Variants in PCDHGB3 observed in about 807,000 individuals in gnomAD.
PCDHGB3 encodes protocadherin gamma-B3.
In PCDHGB3, 40 loss-of-function variants were observed where a neutral mutation model predicts 59.2. That is an observed-to-expected ratio of 0.68 (90% confidence interval 0.52 to 0.88). The LOEUF (loss-of-function observed/expected upper bound fraction) is 0.88, where lower values mean the gene tolerates loss of function less well. PCDHGB3 is among the 40% of genes least tolerant of loss of function. The probability of loss-of-function intolerance (pLI) is 0.00; values close to 1 mark genes in which losing one functional copy is unlikely to be tolerated. For synonymous variants in PCDHGB3, 581 were observed against 503.6 expected, an observed-to-expected ratio of 1.15 and a Z score of -2.06; for missense variants, 1,309 against 1,187.9, an observed-to-expected ratio of 1.10 and a Z score of -1.50.
rs1024686607 is a variant in PCDHGB3, at chr5:141,487,597, T to C, written c.2416-7210T>C. 6.2e-7 allele frequency: 1 copy of C among 1,614,178 alleles called. No homozygotes were observed. The highest frequency in any genetic ancestry group is 8.5e-7 in the Non-Finnish European group (1 of 1,180,040). ...TTCGCCCAAGCTGCCCACCCTCTGA[T>C]CTTCTCTATGGGCTAGAGGTGAGAC... On this transcript the variant is annotated intron_variant, in intron 1 of 3. Coordinates refer to ENST00000576222, the MANE Select transcript of PCDHGB3 (RefSeq NM_018924.5). The surrounding 1 kb of genome is among the most constrained non-coding windows in gnomAD (Gnocchi z 5.0).
intron 1 of PCDHGB3, among the ~76,000 whole-genome samples, chr5:141,454,796 A>ATTTTTTTTTTTTTTTTTTTTTTTTTTT (rs61612330): frequency 3.9e-5 from 3 of 77,408 alleles, no homozygotes; most frequent in Admixed American, 1.8e-4. Flanking sequence ...CATGGTTCTA[A>ATTTTTTTTTTTTTTTTTTTTTTTTTTT]TTTTTTTTTT....
chr5:141,387,704 GC>G (rs1273015763), intron 1 of PCDHGB3: 1 of 969,516 alleles, frequency 1.0e-6, no homozygotes, highest in African/African-American at 1.6e-5. Flanking sequence ...TTCCAGGGCA[GC>G]CCCAGCTCAG....
chr5:141,415,811 A>G (rs2095960996), intron 1 of PCDHGB3: 5 of 1,340,748 alleles, frequency 3.7e-6, no homozygotes, highest in South Asian at 1.7e-5. Flanking sequence ...ATCAAGGCCT[A>G]TATATCATAA....
chr5:141,393,056 C>T, intron 1 of PCDHGB3: 2 of 1,613,606 alleles, frequency 1.2e-6, no homozygotes, highest in Non-Finnish European at 1.7e-6. Flanking sequence ...ACCCGCGCAG[C>T]GGCAGCTTGA....
rs55729045 is a variant in PCDHGB3 at position 141,395,542 on chromosome 5, TTGTGTGTGTGTGTGTG to T, written c.2415+22767_2415+22782del. 64 of 172,628 alleles carry T rather than the reference TTGTGTGTGTGTGTGTG, an allele frequency of 3.7e-4. 1 individual carries two copies. Among genetic ancestry groups the T allele is most frequent in the South Asian group, 2.0e-3 (23 of 11,528 alleles). The allele number at this position is 172,628 out of a possible 1,614,324, so 10.7% of individuals were successfully genotyped here. A position where few individuals can be genotyped will look rare whatever the true frequency, so the allele number is the denominator to read the frequency against. ...TCCATACTGGTAATTTTGCTATTGT[TTGTGTGTGTGTGTGTG>T]TGTGTGTGTGTGTGTGTGTGTGTGT... On this transcript the variant is annotated intron_variant, in intron 1 of 3. Coordinates refer to ENST00000576222, the MANE Select transcript of PCDHGB3 (RefSeq NM_018924.5).
At chr5:141,438,875 A>G (rs2098071820) in intron 1 of PCDHGB3, among the ~76,000 whole-genome samples, 1 of 151,738 alleles carries the variant, frequency 6.6e-6, no homozygotes. Flanking sequence ...CAAGTTGGCC[A>G]GGCTGCTCTT....
chr5:141,421,203 G>T, intron 1 of PCDHGB3: 1 of 1,522,612 alleles, frequency 6.6e-7, no homozygotes, highest in Non-Finnish European at 8.8e-7. Flanking sequence ...TCGAGAAACC[G>T]CGGAATATCG....
chr5:141,437,638 A>G (rs192433359), intron 1 of PCDHGB3, among the ~76,000 whole-genome samples: 1 of 152,250 alleles, frequency 6.6e-6, no homozygotes, highest in Admixed American at 6.5e-5. Context: ...TGTCAGGTTC[A>G]GAAAAGCAAA....
chr5:141,432,133 C>T lies in PCDHGB3; in HGVS notation c.2415+59324C>T, dbSNP rs1468632362. The stretch of plus-strand genomic sequence containing the variant: ...CGGTCTTCCCTCAGGCCTCCTATTC[C>T]GCTTATATCCCAGAGAACAATCCCA... On this transcript the variant is annotated intron_variant, in intron 1 of 3. Transcript: ENST00000576222. This position sits in a 1 kb window ranked among gnomAD's most constrained non-coding sequence, Gnocchi z 6.0. 9 of 1,614,142 alleles carry T rather than the reference C, an allele frequency of 5.6e-6. No homozygotes were observed. The highest frequency in any genetic ancestry group is 1.6e-4 in the Middle Eastern group (1 of 6,062).
Position 141,462,764 on chromosome 5 carries a change from G to C in PCDHGB3, c.2416-32043G>C, listed in dbSNP as rs150842317. Among the ~76,000 whole-genome samples, 589 of 152,084 alleles carry C rather than the reference G, an allele frequency of 3.9e-3. 5 individuals are homozygous for C. Among genetic ancestry groups the C allele is most frequent in the Admixed American group, 0.011 (169 of 15,274 alleles). ...AATTCCTATGATGATTTTCTTCCTG[G>C]CTTGGGGTCATAATTTGTTGCTTAT... On this transcript the variant is annotated intron_variant, in intron 1 of 3. Transcript: ENST00000576222.
rs1188870363 is a variant in PCDHGB3 at position 141,490,058 on chromosome 5, C to T, written c.2416-4749C>T. ...AATGCCACTGATCCAGACGAGGGCA[C>T]CAACGGCCAACTAGACTATTCTTTT... On this transcript the variant is annotated intron_variant, in intron 1 of 3. Coordinates refer to ENST00000576222, the MANE Select transcript of PCDHGB3 (RefSeq NM_018924.5). The surrounding 1 kb of genome is among the most constrained non-coding windows in gnomAD (Gnocchi z 5.4). The T allele has an allele frequency of 6.2e-7, 1 of 1,614,230 alleles. No individual in the cohort carries two copies. Among genetic ancestry groups the T allele is most frequent in the South Asian group, 1.1e-5 (1 of 91,084 alleles).
In PCDHGB3 at chr5:141,432,218, A is replaced by T. The variant is rs570925415; in HGVS notation, c.2415+59409A>T. On this transcript the variant is annotated intron_variant, in intron 1 of 3. Transcript: ENST00000576222. This position sits in a 1 kb window ranked among gnomAD's most constrained non-coding sequence, Gnocchi z 6.0. Reference sequence around the variant, plus strand: ...CCCCGACTGTGAAGAGAACGCCCAGATCACTTATTCCCTGGCTGAGAACAC... The same window carrying T: ...CCCCGACTGTGAAGAGAACGCCCAGTTCACTTATTCCCTGGCTGAGAACAC... The T allele has an allele frequency of 6.2e-7, 1 of 1,614,148 alleles. No homozygotes were observed. The highest frequency in any genetic ancestry group is 1.3e-5 in the African/African-American group (1 of 75,030).
At chr5:141,471,078 T>C (rs1370939177) in intron 1 of PCDHGB3, among the ~76,000 whole-genome samples, 1 of 142,250 alleles carries the variant, frequency 7.0e-6, no homozygotes, top group Non-Finnish European at 1.5e-5. Context: ...AGACAGGGTC[T>C]CCCTCTGTTG....
At chr5:141,382,943 T>G in intron 1 of PCDHGB3, 2 of 1,596,184 alleles carry the variant, frequency 1.3e-6, no homozygotes, top group African/African-American at 1.3e-5. Flanking sequence ...GGATTCTTCC[T>G]GCTCTCCATC....
intron 1 of PCDHGB3, chr5:141,385,131 C>T (rs371376308): frequency 4.3e-6 from 7 of 1,614,082 alleles, no homozygotes; most frequent in Admixed American, 1.7e-5. Flanking sequence ...TGGGCATGGA[C>T]GGGGTGCAGG....
Position 141,377,206 on chromosome 5 carries a change from C to T in PCDHGB3, c.2415+4397C>T, listed in dbSNP as rs192772101. The T allele has an allele frequency of 1.8e-4, 28 of 152,284 alleles. No individual in the cohort carries two copies. In the East Asian group the frequency reaches 2.5e-3, roughly 14 times the overall value. 9.4% of individuals were successfully genotyped at this position (152,284 alleles called of 1,614,324 possible). ...AACTATTTGTGTCTTGGATTGAGTA[C>T]ATCTCGTTTCTTAGGTTTTTTCCTA... On this transcript the variant is annotated intron_variant, in intron 1 of 3. Coordinates refer to ENST00000576222, the MANE Select transcript of PCDHGB3 (RefSeq NM_018924.5).
At chr5:141,426,922 T>C in intron 1 of PCDHGB3, 1 of 456,720 alleles carries the variant, frequency 2.2e-6, no homozygotes, top group Non-Finnish European at 4.4e-6. Flanking sequence ...CTGGAAGCAA[T>C]GGACATGGGT....
At chr5:141,384,969 G>C (rs996601457) in intron 1 of PCDHGB3, 1 of 1,614,014 alleles carries the variant, frequency 6.2e-7, no homozygotes, top group Admixed American at 1.7e-5. Flanking sequence ...ATGACCTCAC[G>C]TTGTACCTGG....
At chr5:141,433,612 G>A (rs1181458593) in intron 1 of PCDHGB3, among the ~76,000 whole-genome samples, 1 of 152,082 alleles carries the variant, frequency 6.6e-6, no homozygotes, top group Non-Finnish European at 1.5e-5. Context: ...GAGGCGGGTG[G>A]ATCACCTGAG....
Sources: gnomAD v4.1 joint callset for allele counts (sites outside exome capture counted in the v4.1 genomes callset) on GRCh38, gnomAD v4.1.1 for gene constraint, Gnocchi (gnomAD v3.1) non-coding constraint, MANE v1.5 for transcripts, NCBI Gene and HGNC (gene_info 2026-07-23, HGNC 2026-07-21) for gene names.